The following PCLO variants were observed in gnomAD, a reference collection of about 807,000 sequenced individuals.
The protein encoded by PCLO is protein piccolo.
PCLO carries 82 observed loss-of-function variants against 427.5 expected under a neutral mutation model. The ratio of observed to expected loss-of-function variants is 0.19; its 90% CI spans 0.16 to 0.23. The LOEUF is 0.23. Among genes scored for constraint, PCLO ranks in the 10% least tolerant of loss-of-function variants. The pLI is 1.00. For missense variants in PCLO, 6,239 were observed against 6,115.9 expected (o/e 1.02, Z -0.67); for synonymous variants, 2,357 against 2,155.4 (o/e 1.09, Z -2.59).
At chr7:83,030,130 AAAAAG>A (rs1379496248) in intron 3 of PCLO, among the ~76,000 whole-genome samples, 21 of 145,934 alleles carry the variant, frequency 1.4e-4, no homozygotes, top group East Asian at 1.2e-3. Flanking sequence ...AAAAAAAAAA[AAAAAG>A]AAAAGAAAAG....
At chr7:82,874,206 A>G (rs1793312867) in intron 10 of PCLO, among the ~76,000 whole-genome samples, 1 of 151,422 alleles carries the variant, frequency 6.6e-6, no homozygotes, top group South Asian at 2.1e-4. Flanking sequence ...TTCTTTATAT[A>G]TTGCTTGGAT....
chr7:82,972,912 A>C (rs549421371), intron 3 of PCLO, among the ~76,000 whole-genome samples: 1 of 152,216 alleles, frequency 6.6e-6, no homozygotes, highest in East Asian at 1.9e-4. Context: ...GAGCAATGTT[A>C]CCCGTAACTT....
chr7:82,873,310 C>A (rs1311147048), intron 10 of PCLO, among the ~76,000 whole-genome samples: 2 of 151,596 alleles, frequency 1.3e-5, no homozygotes, highest in African/African-American at 4.8e-5. Flanking sequence ...CATCCACACT[C>A]CCGTCATCCT....
chr7:82,846,520 ATTTCTATCTCT>A, intron 12 of PCLO, 36 bp downstream of exon 12: 2 of 1,222,604 alleles, frequency 1.6e-6, no homozygotes, highest in Non-Finnish European at 2.4e-6. Flanking sequence ...AATTACTTCT[ATTTCTATCTCT>A]TTATTTACAG....
intron 3 of PCLO, among the ~76,000 whole-genome samples, chr7:82,986,390 C>G (rs968066787): frequency 2.6e-5 from 4 of 151,694 alleles, no homozygotes; most frequent in African/African-American, 9.7e-5. Context: ...TTTTGTAAGT[C>G]CAAATACGCT....
intron 1 of PCLO, among the ~76,000 whole-genome samples, chr7:83,160,361 A>C (rs1792403256): frequency 6.6e-6 from 1 of 152,280 alleles, no homozygotes; most frequent in Non-Finnish European, 1.5e-5. Context: ...TAAAACTTCA[A>C]ATAATTTGTG....
intron 22 of PCLO, among the ~76,000 whole-genome samples, chr7:82,784,972 AC>A (rs1349718625): frequency 2.0e-5 from 3 of 152,194 alleles, no homozygotes; most frequent in South Asian, 4.1e-4. Context: ...GCTTTTTACA[AC>A]CACAAAAAAC....
At chr7:82,973,775 A>G (rs1476586010) in intron 3 of PCLO, among the ~76,000 whole-genome samples, 1 of 152,078 alleles carries the variant, frequency 6.6e-6, no homozygotes, top group Non-Finnish European at 1.5e-5. Flanking sequence ...ATATTTCCAT[A>G]AATAGCAACA....
At position 83,155,348 on chromosome 7, in the gene PCLO, A is replaced by G. The variant is rs1792253373; in HGVS notation, c.1293T>C (p.Ala431=). The G allele has an allele frequency of 1.9e-6, 3 of 1,613,288 alleles. No homozygotes were observed. The African/African-American group carries it at 4.0e-5, about 22-fold the overall frequency. ...LAQQPGLQSP[A]KAPGPTKTPV... ...GAGTCTTTGTAGGCCCAGGTGCCTT[A>G]GCTGGAGACTGTAGCCCAGGTTGTT... Residue 431 remains alanine, a synonymous_variant, in exon 2 of 25, where the codon GCT becomes GCC. Coordinates refer to ENST00000333891, the MANE Select transcript of PCLO (RefSeq NM_033026.6).
chr7:82,987,129 C>A (rs1029535714), intron 3 of PCLO, among the ~76,000 whole-genome samples: 2 of 151,924 alleles, frequency 1.3e-5, no homozygotes, highest in Non-Finnish European at 2.9e-5. Context: ...TTTAAACTAT[C>A]AATTTCCACA....
In PCLO at chr7:82,951,196, G is replaced by C. The variant is rs1795337480; in HGVS notation, c.9392C>G (p.Pro3131Arg). ...CATTGGCTGGCTATGGTGCATGGCA[G>C]GTAATGAAGTCACTGCATCAGCCGT... ...IHTADAVTSL[P>R]AMHHSQPMPR... is the part of the protein sequence containing the mutation. The change falls in exon 6 of 25, where the codon CCT (proline) becomes CGT (arginine). Residue 3131 changes from proline to arginine, a missense_variant. Physicochemically the swap from Pro to Arg is moderately radical, Grantham distance 103. Transcript: ENST00000333891. 6 of 1,613,714 alleles carry C rather than the reference G, an allele frequency of 3.7e-6. No homozygotes were observed. The highest frequency in any genetic ancestry group is 5.1e-6 in the Non-Finnish European group (6 of 1,179,752).
intron 3 of PCLO, among the ~76,000 whole-genome samples, chr7:82,984,191 T>G (rs1796207763): frequency 6.6e-6 from 1 of 152,038 alleles, no homozygotes; most frequent in Non-Finnish European, 1.5e-5. Flanking sequence ...AAAGGTGGAC[T>G]CTTAATGTGA....
chr7:83,111,921 T>C (rs1791012918), intron 3 of PCLO, among the ~76,000 whole-genome samples: 2 of 152,224 alleles, frequency 1.3e-5, no homozygotes, highest in Non-Finnish European at 2.9e-5. Context: ...TTTTTAAACA[T>C]ACAAATGATA....
intron 22 of PCLO, among the ~76,000 whole-genome samples, chr7:82,797,646 G>A (rs1791254540): frequency 6.6e-6 from 1 of 152,058 alleles, no homozygotes; most frequent in Non-Finnish European, 1.5e-5. Flanking sequence ...TTAACTGTAT[G>A]CCAAATACAA....
At chr7:82,848,659 C>G (rs922238042) in intron 10 of PCLO, among the ~76,000 whole-genome samples, 2 of 151,978 alleles carry the variant, frequency 1.3e-5, no homozygotes, top group African/African-American at 2.4e-5. Context: ...TGTGAAATTA[C>G]CTATTGATCA....
chr7:82,980,789 TTTATA>T (rs1796129619), intron 3 of PCLO, among the ~76,000 whole-genome samples: 1 of 152,036 alleles, frequency 6.6e-6, no homozygotes, highest in African/African-American at 2.4e-5. Flanking sequence ...AATGTCCTGA[TTTATA>T]GAGAATGTGA....
chr7:83,083,267 A>C (rs977496145), intron 3 of PCLO, among the ~76,000 whole-genome samples: 3 of 152,042 alleles, frequency 2.0e-5, no homozygotes, highest in Admixed American at 2.0e-4. Flanking sequence ...TATTATACAT[A>C]AACACTATAA....
chr7:82,853,968 T>G (rs945355952), intron 10 of PCLO, among the ~76,000 whole-genome samples: 2 of 152,182 alleles, frequency 1.3e-5, no homozygotes, highest in Non-Finnish European at 2.9e-5. Context: ...AAGGTTTATA[T>G]AAGAAATTTA....
chr7:82,840,198 C>T (rs1792332214), intron 14 of PCLO, among the ~76,000 whole-genome samples: 1 of 152,046 alleles, frequency 6.6e-6, no homozygotes, highest in Admixed American at 6.6e-5. Context: ...CAGTGAAAAA[C>T]AGGCTTTCTG....
Sources: gnomAD v4.1 joint callset for allele counts (sites outside exome capture counted in the v4.1 genomes callset) on GRCh38, gnomAD v4.1.1 for gene constraint, MANE v1.5 for transcripts, NCBI Gene and HGNC (gene_info 2026-07-23, HGNC 2026-07-21) for gene names.